CCDC122: variants seen among roughly 807,000 people sequenced by gnomAD.
CCDC122 encodes the protein coiled-coil domain-containing protein 122.
Under a neutral mutation model 37.0 loss-of-function variants are expected in CCDC122, and 38 were observed. The observed-to-expected ratio is 1.03, with a 90% confidence interval of 0.79 to 1.35. The LOEUF (loss-of-function observed/expected upper bound fraction) is 1.35, where lower values mean the gene tolerates loss of function less well. Among genes scored for constraint, CCDC122 ranks in the 40% most tolerant of loss-of-function variants. The pLI is 0.00. For missense variants in CCDC122, 305 were observed against 310.0 expected (o/e 0.98, Z 0.12); for synonymous variants, 83 against 95.6 (o/e 0.87, Z 0.77).
At chr13:43,871,011 G>A (rs764207711) in intron 2 of CCDC122, among the ~76,000 whole-genome samples, 8 of 151,952 alleles carry the variant, frequency 5.3e-5, no homozygotes, top group Non-Finnish European at 1.0e-4. Flanking sequence ...TCAGTGCTTC[G>A]GAGCTGACTT....
downstream of CCDC122, among the ~76,000 whole-genome samples, chr13:43,831,812 G>A (rs1299258387): frequency 1.3e-5 from 2 of 152,074 alleles, no homozygotes; most frequent in Admixed American, 6.6e-5. Flanking sequence ...AGAGGTTGAA[G>A]TCTCATTACT....
At chr13:43,826,211 C>A (rs1953039392) in intron 3 of CCDC122, among the ~76,000 whole-genome samples, 1 of 152,118 alleles carries the variant, frequency 6.6e-6, no homozygotes, top group Admixed American at 6.5e-5. Context: ...TTTTTCTTCA[C>A]TCTACTCTAG....
intron 6 of CCDC122, chr13:43,858,224 T>G (rs921591420): frequency 2.0e-5 from 3 of 152,228 alleles, no homozygotes; most frequent in Admixed American, 6.5e-5. Context: ...TAGCATATTA[T>G]TTTACATTTC....
chr13:43,859,108 G>T (rs1348096617), intron 5 of CCDC122, among the ~76,000 whole-genome samples: 1 of 152,026 alleles, frequency 6.6e-6, no homozygotes, highest in Non-Finnish European at 1.5e-5. Flanking sequence ...AAAACCAAAT[G>T]AAAATAAGAC....
downstream of CCDC122, among the ~76,000 whole-genome samples, chr13:43,819,154 T>C (rs918055376): frequency 2.0e-5 from 3 of 152,220 alleles, no homozygotes; most frequent in Non-Finnish European, 2.9e-5. Flanking sequence ...TGACCTGTTA[T>C]GTAGGAAAAA....
At chr13:43,857,916 A>AAAT (rs899475247) in intron 6 of CCDC122, among the ~76,000 whole-genome samples, 4 of 152,218 alleles carry the variant, frequency 2.6e-5, no homozygotes, top group East Asian at 3.9e-4. Context: ...AATAAAGAAA[A>AAAT]AATAATAATA....
At chr13:43,851,451 C>T (rs1249849388) in intron 6 of CCDC122, among the ~76,000 whole-genome samples, 1 of 152,136 alleles carries the variant, frequency 6.6e-6, no homozygotes, top group Non-Finnish European at 1.5e-5. Flanking sequence ...CTGCCAGCAC[C>T]CTGCTCCTGA....
chr13:43,832,078 T>C (rs900428971), downstream of CCDC122, among the ~76,000 whole-genome samples: 1 of 149,526 alleles, frequency 6.7e-6, no homozygotes, highest in Non-Finnish European at 1.5e-5. Flanking sequence ...TATTATATGG[T>C]AGCTAATGTG....
At chr13:43,862,766 C>T (rs991771098) in intron 4 of CCDC122, among the ~76,000 whole-genome samples, 6 of 152,164 alleles carry the variant, frequency 3.9e-5, no homozygotes, top group Non-Finnish European at 8.8e-5. Flanking sequence ...TATCTATCAA[C>T]TCTATTGGTC....
intron 1 of CCDC122, chr13:43,878,299 TAAAC>T (rs1327299919): frequency 6.6e-6 from 1 of 152,194 alleles, no homozygotes; most frequent in Non-Finnish European, 1.5e-5. Flanking sequence ...ATATTTAACA[TAAAC>T]AAACTCAGGG....
At chr13:43,847,325 G>C (rs1007782436) in intron 6 of CCDC122, among the ~76,000 whole-genome samples, 9 of 152,154 alleles carry the variant, frequency 5.9e-5, no homozygotes, top group Non-Finnish European at 1.3e-4. Flanking sequence ...TTAATAAGAG[G>C]TGAGAGTAAT....
chr13:43,841,815 A>G (rs1953362646), intron 6 of CCDC122, among the ~76,000 whole-genome samples: 1 of 152,098 alleles, frequency 6.6e-6, no homozygotes, highest in Non-Finnish European at 1.5e-5. Flanking sequence ...GACTCAAGTG[A>G]TCCTCCCACC....
At chr13:43,877,503 C>A (rs1177609431) in intron 1 of CCDC122, among the ~76,000 whole-genome samples, 1 of 152,066 alleles carries the variant, frequency 6.6e-6, no homozygotes, top group African/African-American at 2.4e-5. Flanking sequence ...TATTTCTTGG[C>A]TAGGGGCCCA....
rs547774936 is a variant in CCDC122, at chr13:43,849,093, A to G, written c.672+9688T>C. The G allele has an allele frequency of 1.5e-5, 13 of 865,412 alleles. No individual in the cohort carries two copies. The South Asian group carries it at 6.4e-4, about 42-fold the overall frequency. The allele number at this position is 865,412 out of a possible 1,614,324, so 53.6% of individuals were successfully genotyped here. A position where few individuals can be genotyped will look rare whatever the true frequency, so the allele number is the denominator to read the frequency against. ...TTCAGCTTCATAATTTGTTGTGAAG[A>G]ATCTTTAAGTTCTTAACTTTTCATT... On this transcript the variant is annotated intron_variant, in intron 6 of 6. Coordinates refer to ENST00000444614, the MANE Select transcript of CCDC122 (RefSeq NM_144974.5).
At chr13:43,857,857 C>T (rs369955020) in intron 6 of CCDC122, among the ~76,000 whole-genome samples, 2 of 152,020 alleles carry the variant, frequency 1.3e-5, no homozygotes, top group Non-Finnish European at 2.9e-5. Context: ...GAGCTGAGAT[C>T]GCACCACTGT....
At chr13:43,852,694 C>T (rs1953780415) in intron 6 of CCDC122, among the ~76,000 whole-genome samples, 1 of 151,422 alleles carries the variant, frequency 6.6e-6, no homozygotes, top group Non-Finnish European at 1.5e-5. Context: ...TTCAGATTCT[C>T]CAAGGTTGAA....
chr13:43,831,970 T>C (rs948879868), downstream of CCDC122, among the ~76,000 whole-genome samples: 1 of 152,136 alleles, frequency 6.6e-6, no homozygotes, highest in Non-Finnish European at 1.5e-5. Context: ...AGCGGCCTAT[T>C]CTTAGCTATG....
chr13:43,837,367 C>T lies in CCDC122; in HGVS notation c.735G>A (p.Gln245=), dbSNP rs1343918469. The change falls in exon 7 of 7, where the codon CAG becomes CAA. Residue 245 remains glutamine, a synonymous_variant. Coordinates refer to ENST00000444614, the MANE Select transcript of CCDC122 (RefSeq NM_144974.5). ...TCCATTGCCACTGTCGTCTATTTGA[C>T]TGAAGCTTGTTCACCTGACAATGCA... is the stretch of plus-strand genomic sequence containing the variant. ...KRLHCQVNKL[Q]SNRRQWQWNI... 3.1e-6 allele frequency: 5 copies of T among 1,613,932 alleles called. No individual in the cohort carries two copies. Among genetic ancestry groups the T allele is most frequent in the Non-Finnish European group, 3.4e-6 (4 of 1,179,996 alleles).
At chr13:43,838,307 A>ATTTGGT in intron 6 of CCDC122, among the ~76,000 whole-genome samples, 1 of 152,280 alleles carries the variant, frequency 6.6e-6, no homozygotes, top group Non-Finnish European at 1.5e-5. Flanking sequence ...ACAGTGATTC[A>ATTTGGT]CTGAAACACA....
Sources: allele counts gnomAD v4.1 joint callset (sites outside exome capture counted in the v4.1 genomes callset), GRCh38; gene constraint gnomAD v4.1.1; transcripts MANE v1.5; gene names NCBI Gene and HGNC (gene_info 2026-07-23, HGNC 2026-07-21).